Variants in GRM7 observed in about 807,000 individuals in gnomAD.
The protein encoded by GRM7 is glutamate metabotropic receptor 7, also known as metabotropic glutamate receptor 7.
GRM7 carries 35 observed loss-of-function variants against 84.5 expected under a neutral mutation model. That is an observed-to-expected ratio of 0.41 (90% CI 0.32 to 0.55). GRM7 has a LOEUF of 0.55. Ranked by LOEUF, GRM7 falls within the 20% of genes least tolerant of loss-of-function variation. GRM7 has a pLI of 0.19. For synonymous variants in GRM7, 487 were observed against 455.1 expected (o/e 1.07, Z -0.89); for missense variants, 1,003 against 1,194.6 (o/e 0.84, Z 2.36).
intron 1 of GRM7, among the ~76,000 whole-genome samples, chr3:7,104,154 T>C (rs896214044): frequency 1.3e-5 from 2 of 151,572 alleles, no homozygotes; most frequent in Admixed American, 6.6e-5. Flanking sequence ...TCTCTCTCTC[T>C]TTCTCTTTCT....
At chr3:6,974,387 C>G (rs1164959385) in intron 1 of GRM7, among the ~76,000 whole-genome samples, 1 of 152,138 alleles carries the variant, frequency 6.6e-6, no homozygotes, top group Non-Finnish European at 1.5e-5. Context: ...AATTTGGGAG[C>G]TGTCAGCCTA....
chr3:6,976,299 C>G (rs1423140731), intron 1 of GRM7, among the ~76,000 whole-genome samples: 1 of 152,172 alleles, frequency 6.6e-6, no homozygotes, highest in African/African-American at 2.4e-5. Flanking sequence ...AAAATGAAAA[C>G]TTTCAGTGAC....
At chr3:7,501,287 A>G (rs1314961854) in intron 7 of GRM7, among the ~76,000 whole-genome samples, 1 of 152,224 alleles carries the variant, frequency 6.6e-6, no homozygotes, top group Non-Finnish European at 1.5e-5. Flanking sequence ...CCTTTTGAAC[A>G]TGGCACAAAA....
intron 7 of GRM7, among the ~76,000 whole-genome samples, chr3:7,576,888 T>G (rs978974603): frequency 1.3e-5 from 2 of 152,210 alleles, no homozygotes; most frequent in African/African-American, 2.4e-5. Context: ...TAGATAAATT[T>G]ACTGGCTTAC....
At chr3:7,704,933 C>T (rs914851764) in intron 9 of GRM7, among the ~76,000 whole-genome samples, 4 of 152,160 alleles carry the variant, frequency 2.6e-5, no homozygotes, top group South Asian at 2.1e-4. Context: ...ATTAATTGTT[C>T]GCTTAACTAT....
intron 7 of GRM7, among the ~76,000 whole-genome samples, chr3:7,530,487 T>C (rs889640045): frequency 2.0e-5 from 3 of 152,164 alleles, no homozygotes; most frequent in African/African-American, 7.2e-5. Context: ...TCAAATGGTA[T>C]TTCTGGTTCT....
intron 2 of GRM7, among the ~76,000 whole-genome samples, chr3:7,215,676 T>A (rs573613201): frequency 7.6e-4 from 115 of 151,746 alleles, no homozygotes; most frequent in African/African-American, 1.5e-3. Context: ...AAAAAATAAA[T>A]AAATAAATAA....
intron 9 of GRM7, among the ~76,000 whole-genome samples, chr3:7,731,603 G>A (rs1056907020): frequency 5.3e-5 from 8 of 152,170 alleles, no homozygotes; most frequent in Admixed American, 4.6e-4. Context: ...AAGCTAAAGG[G>A]AGGCCACCAG....
intron 7 of GRM7, among the ~76,000 whole-genome samples, chr3:7,527,455 A>G (rs937554977): frequency 6.6e-6 from 1 of 152,048 alleles, no homozygotes; most frequent in Non-Finnish European, 1.5e-5. Context: ...AATGTATAGA[A>G]TAATATCATT....
intron 2 of GRM7, among the ~76,000 whole-genome samples, chr3:7,241,634 G>T (rs899417344): frequency 6.6e-6 from 1 of 152,028 alleles, no homozygotes; most frequent in African/African-American, 2.4e-5. Flanking sequence ...GCTTGGGTGA[G>T]CTGATGAGTA....
intron 4 of GRM7, among the ~76,000 whole-genome samples, chr3:7,312,947 T>C (rs1346727086): frequency 6.7e-6 from 1 of 149,996 alleles, no homozygotes; most frequent in East Asian, 2.0e-4. Context: ...TTTTTTTTTT[T>C]TTTTTTTATC....
At chr3:7,615,367 A>G (rs1697034144) in intron 8 of GRM7, among the ~76,000 whole-genome samples, 1 of 151,688 alleles carries the variant, frequency 6.6e-6, no homozygotes, top group Admixed American at 6.6e-5. Context: ...TGGCTTACTT[A>G]TTTTTCCCTT....
At chr3:7,730,295 T>C (rs966585365) in intron 9 of GRM7, among the ~76,000 whole-genome samples, 17 of 152,332 alleles carry the variant, frequency 1.1e-4, no homozygotes, top group East Asian at 1.9e-4. Context: ...CGTGAGCCAC[T>C]GCACCTGGCC....
intron 7 of GRM7, among the ~76,000 whole-genome samples, chr3:7,531,504 G>A (rs1320461244): frequency 6.6e-6 from 1 of 152,130 alleles, no homozygotes; most frequent in Non-Finnish European, 1.5e-5. Context: ...GAGGTTTGTA[G>A]TTCTCCTTGA....
intron 4 of GRM7, among the ~76,000 whole-genome samples, chr3:7,396,861 G>A (rs139516994): frequency 3.6e-4 from 55 of 152,054 alleles, no homozygotes; most frequent in African/African-American, 1.0e-3. Flanking sequence ...AAATAGTTTC[G>A]TACCATAAAA....
chr3:7,062,181 A>G (rs1019336448), intron 1 of GRM7, among the ~76,000 whole-genome samples: 1 of 151,816 alleles, frequency 6.6e-6, no homozygotes, highest in African/African-American at 2.4e-5. Flanking sequence ...AGCATTAAGC[A>G]TCTTGGATTG....
In GRM7 at chr3:6,862,001, T is replaced by TC. The variant is rs2124924985; in HGVS notation, c.519+95dup. 9.4e-7 allele frequency: 1 copy of TC among 1,060,290 alleles called. No individual in the cohort carries two copies. Among genetic ancestry groups the TC allele is most frequent in the East Asian group, 2.5e-5 (1 of 39,890 alleles). The allele number at this position is 1,060,290 out of a possible 1,614,324, so 65.7% of individuals were successfully genotyped here. On this transcript the variant is annotated intron_variant, in intron 1 of 9. Transcript: ENST00000357716. The surrounding 1 kb of genome is among the most constrained non-coding windows in gnomAD (Gnocchi z 5.2). Reference sequence around the variant, plus strand: ...TTGGACTCCGGTGGTGCGGGTCAGGTCAGCCTTCGCTCATTTCCTCCCTGG... The same window carrying TC: ...TTGGACTCCGGTGGTGCGGGTCAGGTCCAGCCTTCGCTCATTTCCTCCCTGG...
At chr3:7,364,730 T>C (rs752892075) in intron 4 of GRM7, among the ~76,000 whole-genome samples, 2 of 151,906 alleles carry the variant, frequency 1.3e-5, no homozygotes, top group Non-Finnish European at 2.9e-5. Context: ...CCAGATTTTG[T>C]GGAATGCTGT....
chr3:7,220,815 G>T (rs1350949185), intron 2 of GRM7, among the ~76,000 whole-genome samples: 1 of 152,218 alleles, frequency 6.6e-6, no homozygotes, highest in South Asian at 2.1e-4. Context: ...AGAGAATTTT[G>T]CAGCTTGGTA....
Sources: allele counts gnomAD v4.1 joint callset (sites outside exome capture counted in the v4.1 genomes callset), GRCh38; gene constraint gnomAD v4.1.1; non-coding constraint Gnocchi (gnomAD v3.1); transcripts MANE v1.5; gene names NCBI Gene and HGNC (gene_info 2026-07-23, HGNC 2026-07-21).